DLC1: variants seen among roughly 807,000 people sequenced by gnomAD.
DLC1 encodes DLC1 Rho GTPase activating protein.
In DLC1, 54 loss-of-function variants were observed where a neutral mutation model predicts 140.3. The ratio of observed to expected loss-of-function variants is 0.38; its 90% CI spans 0.31 to 0.48. The LOEUF is 0.48. Ranked by LOEUF, DLC1 falls within the 20% of genes least tolerant of loss-of-function variation. DLC1 has a pLI of 0.96. For synonymous variants in DLC1, 986 were observed against 728.1 expected (o/e 1.35, Z -5.70); for missense variants, 2,536 against 1,907.0 (o/e 1.33, Z -6.14).
At chr8:13,121,066 C>T (rs534598334) in intron 5 of DLC1, among the ~76,000 whole-genome samples, 45 of 152,116 alleles carry the variant, frequency 3.0e-4, no homozygotes, top group Middle Eastern at 3.4e-3. Context: ...AATCAGGCTT[C>T]GATGCAAATG....
intron 1 of DLC1, among the ~76,000 whole-genome samples, chr8:13,504,210 T>A (rs1465370322): frequency 1.4e-5 from 2 of 147,082 alleles, no homozygotes; most frequent in African/African-American, 2.5e-5. Context: ...CACTGCAACC[T>A]CTGCCTCCTG....
At chr8:13,367,204 G>A (rs1430174932) in intron 4 of DLC1, among the ~76,000 whole-genome samples, 1 of 152,114 alleles carries the variant, frequency 6.6e-6, no homozygotes, top group Non-Finnish European at 1.5e-5. Context: ...GTCATACCTT[G>A]GGTCTTGCAA....
intron 4 of DLC1, among the ~76,000 whole-genome samples, chr8:13,337,948 ATTCT>A (rs1393654761): frequency 1.3e-5 from 2 of 152,196 alleles, no homozygotes; most frequent in South Asian, 2.1e-4. Context: ...TCATTCATTT[ATTCT>A]TTCTATCAAT....
At chr8:13,487,597 G>A (rs1426494840) in intron 2 of DLC1, among the ~76,000 whole-genome samples, 2 of 148,040 alleles carry the variant, frequency 1.4e-5, no homozygotes, top group East Asian at 2.0e-4. Context: ...TTTTTGAAAC[G>A]GAGTCTCACT....
chr8:13,146,860 G>A (rs1332052324), intron 5 of DLC1, among the ~76,000 whole-genome samples: 4 of 152,134 alleles, frequency 2.6e-5, no homozygotes, highest in Admixed American at 1.3e-4. Context: ...GACTGGGCCC[G>A]AATAGAGCTC....
chr8:13,217,669 C>G (rs1322860272), intron 5 of DLC1, among the ~76,000 whole-genome samples: 1 of 151,210 alleles, frequency 6.6e-6, no homozygotes, highest in African/African-American at 2.5e-5. Flanking sequence ...TCTGTCTCTA[C>G]TAAAAATACA....
In DLC1 at chr8:13,106,896, A is replaced by C. The variant is rs1819610813; in HGVS notation, c.1502+3846T>G. ...TAGTTTTCAGAAGCTGTAGGAAGGC[A>C]AGCAATAGAAAGAACATTTCACAAG... On this transcript the variant is annotated intron_variant, in intron 7 of 17. Transcript: ENST00000276297. Among the ~76,000 whole-genome samples, 3 of 152,258 alleles carry C rather than the reference A, an allele frequency of 2.0e-5. No individual in the cohort carries two copies. In the South Asian group the frequency reaches 6.2e-4, roughly 31 times the overall value.
intron 2 of DLC1, among the ~76,000 whole-genome samples, chr8:13,413,481 T>A (rs1199938537): frequency 8.6e-6 from 1 of 115,798 alleles, no homozygotes; most frequent in Non-Finnish European, 2.0e-5. Context: ...ATTATTTCTC[T>A]GTGTGTGTGT....
chr8:13,455,638 C>G (rs1249667932), intron 2 of DLC1, among the ~76,000 whole-genome samples: 1 of 152,220 alleles, frequency 6.6e-6, no homozygotes, highest in East Asian at 1.9e-4. Flanking sequence ...TCTGGCCACC[C>G]TGTGCCTAAA....
chr8:13,456,371 G>A (rs976708917), intron 2 of DLC1, among the ~76,000 whole-genome samples: 1 of 152,160 alleles, frequency 6.6e-6, no homozygotes, highest in Non-Finnish European at 1.5e-5. Context: ...GCCCTTGAAA[G>A]CAGGAATTAT....
chr8:13,403,224 AT>A (rs1033952106), intron 2 of DLC1, among the ~76,000 whole-genome samples: 2 of 152,128 alleles, frequency 1.3e-5, no homozygotes, highest in Non-Finnish European at 2.9e-5. Context: ...AGAAAACTAC[AT>A]TTTTTTGTCA....
Position 13,499,319 on chromosome 8 carries a change from A to C in DLC1, c.753T>G (p.Asn251Lys), listed in dbSNP as rs139749371. 25 of 1,613,940 alleles carry C rather than the reference A, an allele frequency of 1.5e-5. No homozygotes were observed. The highest frequency in any genetic ancestry group is 1.3e-5 in the Non-Finnish European group (15 of 1,180,020). Residue 251 changes from asparagine (N) to lysine (K), a missense_variant, in exon 2 of 18, where the codon AAT (asparagine) becomes AAG (lysine). Asn to Lys is a moderately conservative substitution (Grantham distance 94). Transcript: ENST00000276297. ...TATCCAAGAACTCATTTTGTACTAC[A>C]TTGCAGGTGCTTCTTTCATTTTCAT... ...PKDENERSTC[N>K]VVQNEFLDTP...
At chr8:13,160,789 G>T (rs1484424755) in intron 5 of DLC1, among the ~76,000 whole-genome samples, 1 of 152,148 alleles carries the variant, frequency 6.6e-6, no homozygotes, top group Non-Finnish European at 1.5e-5. Flanking sequence ...GATCAGGATA[G>T]ATTTAGGAAG....
At chr8:13,419,767 G>T (rs1285933448) in intron 2 of DLC1, among the ~76,000 whole-genome samples, 1 of 152,054 alleles carries the variant, frequency 6.6e-6, no homozygotes, top group Admixed American at 6.6e-5. Context: ...TCTATTGATT[G>T]GAATAGTTTC....
chr8:13,236,316 C>T (rs1829277866), intron 5 of DLC1, among the ~76,000 whole-genome samples: 1 of 152,034 alleles, frequency 6.6e-6, no homozygotes, highest in South Asian at 2.1e-4. Flanking sequence ...TTTCTTTTAA[C>T]AATCTTAGTT....
intron 1 of DLC1, among the ~76,000 whole-genome samples, chr8:13,548,829 G>C (rs969015735): frequency 1.3e-5 from 2 of 151,954 alleles, no homozygotes. Flanking sequence ...CTGAGCCATA[G>C]GGAAGATCAC....
intron 4 of DLC1, among the ~76,000 whole-genome samples, chr8:13,372,622 C>T (rs116580410): frequency 1.6e-3 from 239 of 152,260 alleles, no homozygotes; most frequent in African/African-American, 5.3e-3. Flanking sequence ...CATGAACTGT[C>T]TGTCATATTC....
chr8:13,109,304 T>C (rs886822551), intron 7 of DLC1, among the ~76,000 whole-genome samples: 1 of 152,098 alleles, frequency 6.6e-6, no homozygotes, highest in African/African-American at 2.4e-5. Flanking sequence ...ACTCCTGTAA[T>C]CCCAGCACTT....
At chr8:13,325,052 G>C (rs1177795989) in intron 4 of DLC1, among the ~76,000 whole-genome samples, 1 of 152,182 alleles carries the variant, frequency 6.6e-6, no homozygotes, top group Admixed American at 6.5e-5. Context: ...GCATCACATA[G>C]AAAACAGATA....
Sources: gnomAD v4.1 joint callset for allele counts (sites outside exome capture counted in the v4.1 genomes callset) on GRCh38, gnomAD v4.1.1 for gene constraint, MANE v1.5 for transcripts, NCBI Gene and HGNC (gene_info 2026-07-23, HGNC 2026-07-21) for gene names.